The following FUT9 variants were observed in gnomAD, a reference collection of about 807,000 sequenced individuals.
FUT9 encodes 4-galactosyl-N-acetylglucosaminide 3-alpha-L-fucosyltransferase 9.
A neutral mutation model predicts 29.7 loss-of-function variants in FUT9; 15 were observed. That is an observed-to-expected ratio of 0.51 (90% CI 0.34 to 0.78). The LOEUF is 0.78. Ranked by LOEUF, FUT9 falls within the 30% of genes least tolerant of loss-of-function variation. FUT9 has a pLI of 0.01. For synonymous variants in FUT9, 169 were observed against 153.7 expected, an observed-to-expected ratio of 1.10 and a Z score of -0.74; for missense variants, 319 against 425.4, an observed-to-expected ratio of 0.75 and a Z score of 2.20.
intron 1 of FUT9, among the ~76,000 whole-genome samples, chr6:96,084,383 A>C (rs1435899505): frequency 6.6e-6 from 1 of 152,084 alleles, no homozygotes; most frequent in African/African-American, 2.4e-5. Flanking sequence ...TGGGATAAAA[A>C]CTAAAACAAA....
chr6:96,087,260 G>A (rs569093875), intron 1 of FUT9, among the ~76,000 whole-genome samples: 3 of 151,592 alleles, frequency 2.0e-5, no homozygotes, highest in Non-Finnish European at 2.9e-5. Context: ...TTTCAGATTT[G>A]TGGTGTATAT....
At chr6:96,113,589 C>T (rs1181938330) in intron 1 of FUT9, among the ~76,000 whole-genome samples, 1 of 151,026 alleles carries the variant, frequency 6.6e-6, no homozygotes, top group Admixed American at 6.6e-5. Context: ...GGTGCGGTGG[C>T]TCACGCCTGT....
intron 2 of FUT9, among the ~76,000 whole-genome samples, chr6:96,179,971 TTCATGC>T (rs1773275710): frequency 6.6e-6 from 1 of 152,114 alleles, no homozygotes; most frequent in South Asian, 2.1e-4. Flanking sequence ...TAGTGACACA[TTCATGC>T]TGTAAAATAC....
At chr6:96,112,389 A>T (rs927952573) in intron 1 of FUT9, among the ~76,000 whole-genome samples, 11 of 152,238 alleles carry the variant, frequency 7.2e-5, no homozygotes, top group African/African-American at 2.7e-4. Context: ...CAATTAGGTG[A>T]TATTTGACTT....
intron 2 of FUT9, among the ~76,000 whole-genome samples, chr6:96,156,227 AGTGCAACTATCACCATGGTCT>A (rs2127978294): frequency 6.6e-6 from 1 of 152,308 alleles, no homozygotes. Context: ...GCTGTGAGCC[AGTGCAACTATCACCATGGTCT>A]GTTTCTAATT....
intron 2 of FUT9, among the ~76,000 whole-genome samples, chr6:96,175,362 T>A (rs1425963295): frequency 6.6e-6 from 1 of 152,166 alleles, no homozygotes; most frequent in Non-Finnish European, 1.5e-5. Context: ...TCTGTCTCAT[T>A]CCATCTTTTA....
At chr6:96,054,673 T>G (rs139391665) in intron 1 of FUT9, among the ~76,000 whole-genome samples, 2 of 152,180 alleles carry the variant, frequency 1.3e-5, no homozygotes, top group African/African-American at 2.4e-5. Flanking sequence ...GTTGGAAGTT[T>G]AGGCAGAAAT....
chr6:96,062,631 G>C (rs992068106), intron 1 of FUT9, among the ~76,000 whole-genome samples: 46 of 152,210 alleles, frequency 3.0e-4, no homozygotes, highest in African/African-American at 9.9e-4. Flanking sequence ...GGGAGGATAG[G>C]ATGGAGAGAG....
chr6:96,045,770 G>A (rs1770552123), intron 1 of FUT9, among the ~76,000 whole-genome samples: 1 of 152,204 alleles, frequency 6.6e-6, no homozygotes, highest in Non-Finnish European at 1.5e-5. Context: ...CCCTGGGGAA[G>A]TTATCACCAT....
chr6:96,079,771 G>GA (rs1231505400), intron 1 of FUT9, among the ~76,000 whole-genome samples: 18 of 151,856 alleles, frequency 1.2e-4, no homozygotes, highest in Non-Finnish European at 1.8e-4. Flanking sequence ...ATAGTTTTGT[G>GA]AAAAAAATAA....
intron 1 of FUT9, among the ~76,000 whole-genome samples, chr6:96,079,511 T>C (rs551570980): frequency 6.6e-6 from 1 of 152,296 alleles, no homozygotes; most frequent in Non-Finnish European, 1.5e-5. Flanking sequence ...TTTACAGTCA[T>C]TTTGGTAAGG....
chr6:96,036,565 C>G (rs1283113179), intron 1 of FUT9: 2 of 151,894 alleles, frequency 1.3e-5, no homozygotes, highest in East Asian at 3.9e-4. Context: ...GCGGTGGTAA[C>G]TTCCCCATAA....
At chr6:96,147,368 C>T (rs1468476840) in intron 2 of FUT9, among the ~76,000 whole-genome samples, 1 of 151,902 alleles carries the variant, frequency 6.6e-6, no homozygotes, top group Non-Finnish European at 1.5e-5. Context: ...GGGGTTTCAC[C>T]GTATTGGCCA....
intron 1 of FUT9, among the ~76,000 whole-genome samples, chr6:96,021,168 C>G (rs1230328209): frequency 6.6e-6 from 1 of 151,994 alleles, no homozygotes; most frequent in East Asian, 1.9e-4. Flanking sequence ...TGGATCTAGG[C>G]ATGCTGTGGC....
Position 96,112,646 on chromosome 6 carries a change from C to T in FUT9, c.-97-1393C>T, listed in dbSNP as rs544373393. ...TGAGGGACATAAAATCAGAACATAA[C>T]GTTGTTTGTGTGTGTGCGCAAGCGT... On this transcript the variant is annotated intron_variant, in intron 1 of 2. Coordinates refer to ENST00000302103, the MANE Select transcript of FUT9 (RefSeq NM_006581.4). 6.6e-5 allele frequency among the ~76,000 whole-genome samples: 10 copies of T among 152,156 alleles called. No individual in the cohort carries two copies. The East Asian group carries it at 7.7e-4, about 12-fold the overall frequency.
chr6:96,096,847 T>C (rs548019887), intron 1 of FUT9, among the ~76,000 whole-genome samples: 1 of 152,056 alleles, frequency 6.6e-6, no homozygotes, highest in Non-Finnish European at 1.5e-5. Context: ...TAGCACAATA[T>C]GGTTTTTATT....
intron 1 of FUT9, among the ~76,000 whole-genome samples, chr6:96,085,811 T>C (rs1046841742): frequency 1.3e-5 from 2 of 152,206 alleles, no homozygotes; most frequent in African/African-American, 4.8e-5. Flanking sequence ...TCATTGCTTC[T>C]AATTGCTTTA....
chr6:96,100,090 A>G (rs1488786008), intron 1 of FUT9, among the ~76,000 whole-genome samples: 2 of 152,154 alleles, frequency 1.3e-5, no homozygotes, highest in Non-Finnish European at 2.9e-5. Flanking sequence ...AACATACCCA[A>G]GGGAAATCAG....
chr6:96,208,411 C>T lies in FUT9; in HGVS notation c.*4176C>T, dbSNP rs554016541. ...TGAGAAACTTCTTAACAATTACAAT[C>T]GAGCTGTTAAATATAACAAACATCA... On this transcript the variant is annotated 3_prime_UTR_variant, in exon 3 of 3. Transcript: ENST00000302103. The T allele has an allele frequency of 3.0e-5, 5 of 166,792 alleles. No homozygotes were observed. Among genetic ancestry groups the T allele is most frequent in the Middle Eastern group, 3.4e-3 (1 of 294 alleles). 10.3% of individuals were successfully genotyped at this position (166,792 alleles called of 1,614,324 possible).
Sources: gnomAD v4.1 joint callset for allele counts (sites outside exome capture counted in the v4.1 genomes callset) on GRCh38, gnomAD v4.1.1 for gene constraint, MANE v1.5 for transcripts, NCBI Gene and HGNC (gene_info 2026-07-23, HGNC 2026-07-21) for gene names.